The following UBE2V2 variants were observed in gnomAD, a reference collection of about 807,000 sequenced individuals.
UBE2V2 encodes the protein ubiquitin-conjugating enzyme E2 variant 2.
A neutral mutation model predicts 17.2 loss-of-function variants in UBE2V2; 9 were observed. The ratio of observed to expected loss-of-function variants is 0.52; its 90% CI spans 0.32 to 0.91. The LOEUF is 0.91. Among genes scored for constraint, UBE2V2 ranks in the 40% least tolerant of loss-of-function variants. The pLI is 0.04. For synonymous variants in UBE2V2, 61 were observed against 57.5 expected, an observed-to-expected ratio of 1.06 and a Z score of -0.28; for missense variants, 133 against 182.6, an observed-to-expected ratio of 0.73 and a Z score of 1.56.
chr8:48,020,462 A>G (rs542616542), intron 1 of UBE2V2, among the ~76,000 whole-genome samples: 5 of 152,102 alleles, frequency 3.3e-5, no homozygotes, highest in East Asian at 1.9e-4. Context: ...CAGTCACTCT[A>G]TGTCTTGATT....
intron 3 of UBE2V2, among the ~76,000 whole-genome samples, chr8:48,057,422 C>T (rs1464161996): frequency 6.6e-6 from 1 of 152,114 alleles, no homozygotes; most frequent in Non-Finnish European, 1.5e-5. Context: ...GTGTCTCGGC[C>T]TCCCAAGTAT....
upstream of UBE2V2, chr8:48,008,370 A>C: frequency 2.0e-6 from 3 of 1,511,776 alleles, no homozygotes; most frequent in Non-Finnish European, 2.6e-6. Context: ...GTCCGCTGTG[A>C]CGCGTGCAGG....
intron 3 of UBE2V2, among the ~76,000 whole-genome samples, chr8:48,055,346 C>T (rs1475595311): frequency 6.6e-6 from 1 of 151,640 alleles, no homozygotes; most frequent in African/African-American, 2.4e-5. Flanking sequence ...ATTACAGGCG[C>T]CCGCCAACAT....
intron 1 of UBE2V2, among the ~76,000 whole-genome samples, chr8:48,021,691 T>A (rs1298045300): frequency 1.4e-5 from 2 of 147,726 alleles, no homozygotes; most frequent in Admixed American, 1.4e-4. Context: ...TGCGCCTGGC[T>A]CTCTTTTTTT....
chr8:48,046,668 C>T (rs908633927), intron 2 of UBE2V2, among the ~76,000 whole-genome samples: 5 of 152,184 alleles, frequency 3.3e-5, no homozygotes, highest in African/African-American at 9.7e-5. Context: ...GGCCCGATCA[C>T]ACCTCACAGC....
chr8:48,059,963 T>C (rs960681630), intron 3 of UBE2V2, among the ~76,000 whole-genome samples: 2 of 151,920 alleles, frequency 1.3e-5, no homozygotes, highest in African/African-American at 4.8e-5. Context: ...CCCAGCACTT[T>C]GGGAGGCTGA....
chr8:48,008,258 C>T (rs2091198590), upstream of UBE2V2: 3 of 562,506 alleles, frequency 5.3e-6, no homozygotes, highest in South Asian at 7.7e-5. Flanking sequence ...ATTTTGAGAG[C>T]GGGATTCACA....
intron 2 of UBE2V2, among the ~76,000 whole-genome samples, chr8:48,048,867 T>C (rs897029779): frequency 6.6e-6 from 1 of 152,040 alleles, no homozygotes; most frequent in Admixed American, 6.5e-5. Flanking sequence ...TTTATTTATG[T>C]ATATATTTTT....
At chr8:48,041,310 C>T (rs1408823550) in intron 1 of UBE2V2, among the ~76,000 whole-genome samples, 1 of 151,732 alleles carries the variant, frequency 6.6e-6, no homozygotes, top group East Asian at 1.9e-4. Context: ...GGTGAAACTC[C>T]ATCTTTACTA....
intron 2 of UBE2V2, among the ~76,000 whole-genome samples, chr8:48,048,204 G>A (rs1019268155): frequency 1.3e-5 from 2 of 152,174 alleles, no homozygotes; most frequent in African/African-American, 2.4e-5. Context: ...GTCATGTAGT[G>A]TGTACACTTA....
intron 2 of UBE2V2, among the ~76,000 whole-genome samples, chr8:48,045,404 G>T (rs2091492296): frequency 6.6e-6 from 1 of 152,072 alleles, no homozygotes; most frequent in Non-Finnish European, 1.5e-5. Context: ...GTAATAAACT[G>T]GGGGAACTTA....
chr8:48,036,306 A>T (rs2091424694), intron 1 of UBE2V2, among the ~76,000 whole-genome samples: 1 of 152,048 alleles, frequency 6.6e-6, no homozygotes, highest in South Asian at 2.1e-4. Flanking sequence ...GTTCTTAAGT[A>T]GTGCTCCAAA....
rs1237046942 is a variant in UBE2V2 at position 48,008,646 on chromosome 8, C to T, written c.16+176C>T. 149 of 919,494 alleles carry T rather than the reference C, an allele frequency of 1.6e-4. 4 individuals carry two copies. The South Asian group carries it at 4.3e-3, about 26-fold the overall frequency. The allele number at this position is 919,494 out of a possible 1,614,324, so 57.0% of individuals were successfully genotyped here. A position where few individuals can be genotyped will look rare whatever the true frequency, so the allele number is the denominator to read the frequency against. On this transcript the variant is annotated intron_variant, in intron 1 of 3. Coordinates refer to ENST00000523111, the MANE Select transcript of UBE2V2 (RefSeq NM_003350.3). ...GGTGGGACCGGCGCCGAGGCCCCGG[C>T]GGCCGTCGGGTTGGCGGGTCGTGCT...
chr8:48,044,858 T>G (rs568723233), intron 2 of UBE2V2, among the ~76,000 whole-genome samples: 1 of 152,370 alleles, frequency 6.6e-6, no homozygotes, highest in South Asian at 2.1e-4. Context: ...CTCTAGCCAC[T>G]GCCTGCAGCA....
At chr8:48,043,515 A>G (rs543402454) in intron 2 of UBE2V2, 65 of 161,978 alleles carry the variant, frequency 4.0e-4, no homozygotes, top group Non-Finnish European at 7.2e-4. Flanking sequence ...TAATTGAGGA[A>G]GGCTGAACAG....
At chr8:48,040,764 A>G (rs890885418) in intron 1 of UBE2V2, among the ~76,000 whole-genome samples, 27 of 147,788 alleles carry the variant, frequency 1.8e-4, no homozygotes, top group Admixed American at 1.4e-3. Flanking sequence ...GCTGGTTGGG[A>G]TTACAGGTGT....
the UBE2V2 span, among the ~76,000 whole-genome samples, chr8:47,999,298 A>G: frequency 9.2e-5 from 14 of 152,128 alleles, no homozygotes; most frequent in African/African-American, 3.4e-4. Flanking sequence ...CCTGGTGGCT[A>G]TCAAGTGGAC....
chr8:48,027,646 C>T (rs1046414954), intron 1 of UBE2V2, among the ~76,000 whole-genome samples: 6 of 152,002 alleles, frequency 3.9e-5, no homozygotes, highest in East Asian at 1.9e-4. Flanking sequence ...ACTGCAGGCA[C>T]GCGCCTTTAT....
the UBE2V2 span, among the ~76,000 whole-genome samples, chr8:47,997,745 G>A: frequency 3.9e-5 from 6 of 152,050 alleles, no homozygotes; most frequent in Admixed American, 3.9e-4. Context: ...TGCTGGGCTC[G>A]AGGACGAGTA....
Sources: gnomAD v4.1 joint callset for allele counts (sites outside exome capture counted in the v4.1 genomes callset) on GRCh38, gnomAD v4.1.1 for gene constraint, MANE v1.5 for transcripts, NCBI Gene and HGNC (gene_info 2026-07-23, HGNC 2026-07-21) for gene names.